The following CTNNA2 variants were observed in gnomAD, a reference collection of about 807,000 sequenced individuals.
The protein encoded by CTNNA2 is catenin alpha-2.
A neutral mutation model predicts 101.0 loss-of-function variants in CTNNA2; 42 were observed. The observed-to-expected ratio is 0.42, with a 90% CI of 0.32 to 0.54. The LOEUF (loss-of-function observed/expected upper bound fraction) is 0.54. CTNNA2 is among the 20% of genes least tolerant of loss of function. The pLI is 0.14. For synonymous variants in CTNNA2, 450 were observed against 456.4 expected (o/e 0.99, Z 0.18); for missense variants, 871 against 1,223.1 (o/e 0.71, Z 4.29).
At chr2:80,509,834 C>G (rs1688563946) in intron 9 of CTNNA2, among the ~76,000 whole-genome samples, 1 of 152,138 alleles carries the variant, frequency 6.6e-6, no homozygotes, top group African/African-American at 2.4e-5. Context: ...GAACGCAGGG[C>G]TCCTGTCCTC....
intron 8 of CTNNA2, among the ~76,000 whole-genome samples, chr2:80,409,258 G>C (rs1241020057): frequency 2.0e-5 from 3 of 151,972 alleles, no homozygotes; most frequent in Non-Finnish European, 4.4e-5. Flanking sequence ...TGCCTGTTCT[G>C]ATGGAGGGGT....
intron 7 of CTNNA2, among the ~76,000 whole-genome samples, chr2:80,240,842 T>C (rs1226627296): frequency 6.6e-6 from 1 of 152,196 alleles, no homozygotes; most frequent in Admixed American, 6.5e-5. Context: ...AAAACATGGA[T>C]GTGTTGGGTA....
intron 7 of CTNNA2, among the ~76,000 whole-genome samples, chr2:80,185,485 A>T (rs570292973): frequency 7.2e-5 from 11 of 152,088 alleles, no homozygotes; most frequent in Non-Finnish European, 1.5e-4. Context: ...GGTGGGGATC[A>T]CTGGGAGACA....
At chr2:79,455,571 G>C (rs1355371042) in intron 4 of CTNNA2, among the ~76,000 whole-genome samples, 1 of 152,092 alleles carries the variant, frequency 6.6e-6, no homozygotes, top group East Asian at 1.9e-4. Context: ...CTCCCTTGTT[G>C]TTGTCTATTA....
intron 7 of CTNNA2, among the ~76,000 whole-genome samples, chr2:79,979,984 TG>T (rs1206195839): frequency 1.3e-5 from 2 of 152,316 alleles, no homozygotes; most frequent in Admixed American, 6.5e-5. Flanking sequence ...CTGGAGATGT[TG>T]CATCCGATGA....
intron 7 of CTNNA2, among the ~76,000 whole-genome samples, chr2:80,250,201 G>GAA (rs1671654856): frequency 6.8e-6 from 1 of 146,598 alleles, no homozygotes; most frequent in African/African-American, 2.7e-5. Flanking sequence ...GAGAGAGAGA[G>GAA]AGAGTGTGTG....
intron 7 of CTNNA2, among the ~76,000 whole-genome samples, chr2:80,031,367 G>A (rs972890319): frequency 6.6e-6 from 1 of 152,202 alleles, no homozygotes; most frequent in East Asian, 1.9e-4. Flanking sequence ...GGACTTAACA[G>A]TTCCACGTGG....
At chr2:79,460,837 A>AT (rs1198435902) in intron 4 of CTNNA2, among the ~76,000 whole-genome samples, 233 of 148,988 alleles carry the variant, frequency 1.6e-3, no homozygotes, top group African/African-American at 5.1e-3. Flanking sequence ...CCCATTAAGT[A>AT]TTTTTTTTTT....
chr2:79,987,577 A>T (rs1691857031), intron 7 of CTNNA2, among the ~76,000 whole-genome samples: 1 of 149,378 alleles, frequency 6.7e-6, no homozygotes, highest in Non-Finnish European at 1.5e-5. Flanking sequence ...AATGGAAGGT[A>T]TAAGTTGCAG....
At chr2:79,473,216 A>C (rs992980538) in intron 4 of CTNNA2, among the ~76,000 whole-genome samples, 1 of 152,194 alleles carries the variant, frequency 6.6e-6, no homozygotes, top group Non-Finnish European at 1.5e-5. Context: ...AGCTTCTAGC[A>C]TGCACCCGAA....
intron 7 of CTNNA2, among the ~76,000 whole-genome samples, chr2:80,183,925 G>T (rs1705951488): frequency 6.6e-6 from 1 of 151,758 alleles, no homozygotes; most frequent in Non-Finnish European, 1.5e-5. Flanking sequence ...ATTGTATGGG[G>T]CATCTTTGGG....
At chr2:80,393,099 T>C (rs1677674385) in intron 7 of CTNNA2, 112 bp from the exon 8 acceptor site, 1 of 755,826 alleles carries the variant, frequency 1.3e-6, no homozygotes, top group South Asian at 2.1e-5. Context: ...AAAATAATCT[T>C]TTTAAAAAAT....
chr2:79,201,375 A>G (rs1375995316), intron 2 of CTNNA2, among the ~76,000 whole-genome samples: 1 of 152,122 alleles, frequency 6.6e-6, no homozygotes, highest in Non-Finnish European at 1.5e-5. Context: ...TCAGCTACTT[A>G]CCTGAGGATG....
intron 1 of CTNNA2, among the ~76,000 whole-genome samples, chr2:79,635,976 G>C (rs973307347): frequency 2.0e-5 from 3 of 151,138 alleles, no homozygotes; most frequent in Admixed American, 6.6e-5. Context: ...AAATAGATGT[G>C]GGGGGCCGGG....
chr2:80,442,066 T>C (rs147358668), intron 9 of CTNNA2, among the ~76,000 whole-genome samples: 1 of 152,360 alleles, frequency 6.6e-6, no homozygotes, highest in African/African-American at 2.4e-5. Flanking sequence ...TGTATATTCT[T>C]GTAACAGGTT....
intron 7 of CTNNA2, among the ~76,000 whole-genome samples, chr2:80,086,327 C>A (rs1699436094): frequency 6.6e-6 from 1 of 152,000 alleles, no homozygotes; most frequent in Admixed American, 6.6e-5. Context: ...TTCTAAATAA[C>A]CAAAGGCCAC....
intron 1 of CTNNA2, among the ~76,000 whole-genome samples, chr2:79,609,056 C>G (rs1044685187): frequency 6.6e-6 from 1 of 151,728 alleles, no homozygotes; most frequent in Non-Finnish European, 1.5e-5. Context: ...CAGAAGAAAT[C>G]AAAAATTGAT....
chr2:79,198,625 A>G (rs1163285102), intron 2 of CTNNA2, among the ~76,000 whole-genome samples: 2 of 152,214 alleles, frequency 1.3e-5, no homozygotes, highest in African/African-American at 4.8e-5. Flanking sequence ...TAGGATTTTA[A>G]TAAATAATAA....
intron 2 of CTNNA2, among the ~76,000 whole-genome samples, chr2:79,728,651 A>G (rs1281977305): frequency 6.6e-6 from 1 of 152,162 alleles, no homozygotes; most frequent in Non-Finnish European, 1.5e-5. Flanking sequence ...GTCCTTGTCC[A>G]TGCCTATGTC....
Sources: gnomAD v4.1 joint callset for allele counts (sites outside exome capture counted in the v4.1 genomes callset) on GRCh38, gnomAD v4.1.1 for gene constraint, MANE v1.5 for transcripts, NCBI Gene and HGNC (gene_info 2026-07-23, HGNC 2026-07-21) for gene names.